Variants in PIP4K2A observed in about 807,000 individuals in gnomAD.
PIP4K2A encodes the protein phosphatidylinositol 5-phosphate 4-kinase type-2 alpha.
Under a neutral mutation model 42.9 loss-of-function variants are expected in PIP4K2A, and 14 were observed. The observed-to-expected ratio is 0.33, with a 90% CI of 0.22 to 0.51. PIP4K2A has a LOEUF of 0.51. Ranked by LOEUF, PIP4K2A falls within the 20% of genes least tolerant of loss-of-function variation. The pLI, the probability that PIP4K2A is intolerant of heterozygous loss-of-function variation, is 0.97. For missense variants in PIP4K2A, 434 were observed against 519.8 expected (o/e 0.83, Z 1.61); for synonymous variants, 192 against 192.2 (o/e 1.00, Z 0.01).
At chr10:22,638,710 G>T (rs1838719424) in intron 1 of PIP4K2A, among the ~76,000 whole-genome samples, 1 of 152,172 alleles carries the variant, frequency 6.6e-6, no homozygotes, top group Non-Finnish European at 1.5e-5. Flanking sequence ...ATGTTTGATG[G>T]AAAGAAATTC....
At chr10:22,712,501 T>C (rs1469143263) in intron 1 of PIP4K2A, among the ~76,000 whole-genome samples, 4 of 152,196 alleles carry the variant, frequency 2.6e-5, no homozygotes, top group Admixed American at 6.5e-5. Flanking sequence ...TTTTTTTAAA[T>C]TGTAAGTTTC....
intron 1 of PIP4K2A, among the ~76,000 whole-genome samples, chr10:22,671,890 T>C (rs1839458655): frequency 1.3e-5 from 2 of 152,092 alleles, no homozygotes; most frequent in Non-Finnish European, 2.9e-5. Context: ...ATGTCTGGAC[T>C]AGCACCCACT....
chr10:22,538,894 T>C (rs1836010108), intron 9 of PIP4K2A, among the ~76,000 whole-genome samples: 1 of 152,242 alleles, frequency 6.6e-6, no homozygotes, highest in Non-Finnish European at 1.5e-5. Flanking sequence ...AATAGAATAC[T>C]GTGTTTGTTA....
chr10:22,688,805 T>C (rs1252919967), intron 1 of PIP4K2A, among the ~76,000 whole-genome samples: 1 of 152,140 alleles, frequency 6.6e-6, no homozygotes, highest in Non-Finnish European at 1.5e-5. Context: ...AGGTCTTCAG[T>C]TCATAATATT....
At chr10:22,658,229 A>C (rs1644958540) in intron 1 of PIP4K2A, among the ~76,000 whole-genome samples, 1 of 152,248 alleles carries the variant, frequency 6.6e-6, no homozygotes, top group African/African-American at 2.4e-5. Flanking sequence ...TTTTGGAAAA[A>C]TACTATAGAA....
intron 1 of PIP4K2A, among the ~76,000 whole-genome samples, chr10:22,696,021 A>G (rs935658993): frequency 2.0e-5 from 3 of 152,106 alleles, no homozygotes; most frequent in African/African-American, 4.8e-5. Flanking sequence ...TTTTGTAAGA[A>G]ACCTATAAAA....
At chr10:22,695,945 C>T (rs907756868) in intron 1 of PIP4K2A, among the ~76,000 whole-genome samples, 1 of 152,152 alleles carries the variant, frequency 6.6e-6, no homozygotes, top group African/African-American at 2.4e-5. Context: ...CTTCCCCCCA[C>T]TCATCTCACC....
intron 3 of PIP4K2A, among the ~76,000 whole-genome samples, chr10:22,592,824 CTCCT>C (rs1166831076): frequency 1.3e-5 from 2 of 152,218 alleles, no homozygotes; most frequent in Non-Finnish European, 2.9e-5. Flanking sequence ...GTGACTTTCA[CTCCT>C]TGCCTGGCCC....
rs193010524 is a variant in PIP4K2A, at chr10:22,583,834, T to C, written c.492+7795A>G. Among the ~76,000 whole-genome samples, 6 of 152,328 alleles carry C rather than the reference T, an allele frequency of 3.9e-5. No homozygotes were observed. The East Asian group carries it at 5.8e-4, about 15-fold the overall frequency. ...AGGTCATGCTGCCCAGCTGAGCGTG[T>C]ACGGTCTGCAGAAGGCCTGCAGGGG... On this transcript the variant is annotated intron_variant, in intron 4 of 9. Coordinates refer to ENST00000376573, the MANE Select transcript of PIP4K2A (RefSeq NM_005028.5).
At chr10:22,616,760 G>A (rs756982268) in intron 1 of PIP4K2A, among the ~76,000 whole-genome samples, 2 of 152,070 alleles carry the variant, frequency 1.3e-5, no homozygotes, top group Admixed American at 6.6e-5. Context: ...AACTGAATAT[G>A]TACCATGGGC....
intron 1 of PIP4K2A, among the ~76,000 whole-genome samples, chr10:22,677,926 T>C (rs1436114901): frequency 6.6e-6 from 1 of 152,174 alleles, no homozygotes; most frequent in Non-Finnish European, 1.5e-5. Context: ...AGAGTCGATA[T>C]AATAGGCCAC....
intron 1 of PIP4K2A, among the ~76,000 whole-genome samples, chr10:22,686,700 C>G (rs1005757523): frequency 7.9e-5 from 12 of 152,104 alleles, no homozygotes; most frequent in African/African-American, 2.9e-4. Context: ...AAACTCCTGA[C>G]TTCTAGCAAT....
intron 1 of PIP4K2A, among the ~76,000 whole-genome samples, chr10:22,664,214 TATACATATATATATAC>T (rs1564460354): frequency 1.9e-5 from 1 of 52,032 alleles, no homozygotes; most frequent in Admixed American, 2.6e-4. Flanking sequence ...CATATATATA[TATACATATATATATAC>T]ACACACACAC....
At chr10:22,613,416 G>A (rs910440323) in intron 1 of PIP4K2A, among the ~76,000 whole-genome samples, 4 of 152,126 alleles carry the variant, frequency 2.6e-5, no homozygotes, top group Non-Finnish European at 4.4e-5. Context: ...CAGGCATGCA[G>A]GAAGGAGAGG....
intron 1 of PIP4K2A, among the ~76,000 whole-genome samples, chr10:22,642,531 A>T (rs940532419): frequency 6.6e-6 from 1 of 152,044 alleles, no homozygotes; most frequent in Admixed American, 6.6e-5. Flanking sequence ...AGGAGTATCT[A>T]TAACAGTGTA....
intron 4 of PIP4K2A, among the ~76,000 whole-genome samples, chr10:22,590,621 T>C (rs1487199135): frequency 1.3e-5 from 2 of 152,166 alleles, no homozygotes; most frequent in Admixed American, 6.5e-5. Context: ...CTTAGCACTT[T>C]GGGAGGCCAA....
At chr10:22,550,812 G>A (rs775509689) in intron 6 of PIP4K2A, 40 bp from the exon 7 acceptor site, 2 of 1,308,518 alleles carry the variant, frequency 1.5e-6, no homozygotes, top group South Asian at 1.2e-5. Context: ...GGCGCTTGAA[G>A]AAAACCTAAA....
intron 4 of PIP4K2A, among the ~76,000 whole-genome samples, chr10:22,591,192 T>A (rs1233544104): frequency 2.6e-5 from 4 of 152,216 alleles, no homozygotes; most frequent in African/African-American, 9.6e-5. Context: ...CCGTAGCAGA[T>A]TGTGAATGGC....
At chr10:22,556,373 C>G (rs1836548391) in intron 6 of PIP4K2A, among the ~76,000 whole-genome samples, 1 of 152,114 alleles carries the variant, frequency 6.6e-6, no homozygotes, top group Non-Finnish European at 1.5e-5. Flanking sequence ...TAGTAGGAAA[C>G]CTCACTGAAA....
Sources: allele counts gnomAD v4.1 joint callset (sites outside exome capture counted in the v4.1 genomes callset), GRCh38; gene constraint gnomAD v4.1.1; transcripts MANE v1.5; gene names NCBI Gene and HGNC (gene_info 2026-07-23, HGNC 2026-07-21).